The following FBXW11 variants were observed in gnomAD, a reference collection of about 807,000 sequenced individuals.
The protein encoded by FBXW11 is F-box/WD repeat-containing protein 11.
FBXW11 carries 19 observed loss-of-function variants against 77.6 expected under a neutral mutation model. The observed-to-expected ratio is 0.24, with a 90% CI of 0.17 to 0.36. The LOEUF is 0.36. Ranked by LOEUF, FBXW11 falls within the 10% of genes least tolerant of loss-of-function variation. The pLI, the probability that FBXW11 is intolerant of heterozygous loss-of-function variation, is 1.00. For synonymous variants in FBXW11, 235 were observed against 249.4 expected (o/e 0.94, Z 0.54); for missense variants, 334 against 704.2 (o/e 0.47, Z 5.95).
At chr5:171,889,151 G>A (rs1387082357) in intron 7 of FBXW11, among the ~76,000 whole-genome samples, 3 of 152,204 alleles carry the variant, frequency 2.0e-5, no homozygotes, top group African/African-American at 4.8e-5. Context: ...ACACATTCAT[G>A]AAGCTCAGAG....
chr5:172,005,575 A>AC (rs1561769395), intron 1 of FBXW11, among the ~76,000 whole-genome samples: 1 of 152,102 alleles, frequency 6.6e-6, no homozygotes, highest in East Asian at 1.9e-4. Flanking sequence ...GTGTCCACGG[A>AC]CCGGGAGTCT....
At chr5:171,995,327 A>C (rs576756188) in intron 1 of FBXW11, among the ~76,000 whole-genome samples, 2 of 152,342 alleles carry the variant, frequency 1.3e-5, no homozygotes, top group African/African-American at 4.8e-5. Flanking sequence ...GCACATCTTG[A>C]TATTTAAATG....
At chr5:171,864,964 A>C (rs1162320932) in intron 13 of FBXW11, among the ~76,000 whole-genome samples, 1 of 131,732 alleles carries the variant, frequency 7.6e-6, no homozygotes, top group Admixed American at 7.5e-5. Context: ...CTTAGGTGGC[A>C]AAAAAAAAAA....
chr5:171,930,764 A>T (rs918304225), intron 2 of FBXW11, among the ~76,000 whole-genome samples: 4 of 133,852 alleles, frequency 3.0e-5, no homozygotes, highest in African/African-American at 1.5e-4. Flanking sequence ...TAAAAAAATA[A>T]AAAAAAAAAA....
At chr5:171,894,469 C>T (rs1759601973) in intron 6 of FBXW11, among the ~76,000 whole-genome samples, 1 of 152,130 alleles carries the variant, frequency 6.6e-6, no homozygotes, top group Non-Finnish European at 1.5e-5. Context: ...TTCTTGAATC[C>T]CAAAGTGCAG....
intron 1 of FBXW11, among the ~76,000 whole-genome samples, chr5:171,967,917 C>CAT (rs1764309180): frequency 6.7e-6 from 1 of 148,496 alleles, no homozygotes; most frequent in East Asian, 1.9e-4. Flanking sequence ...CACACACACA[C>CAT]ACATATAAAT....
At position 172,001,080 on chromosome 5, in the gene FBXW11, C is replaced by T. The variant is rs547886319; in HGVS notation, c.45+5378G>A. 2.5e-4 allele frequency among the ~76,000 whole-genome samples: 38 copies of T among 152,326 alleles called. 1 individual carries two copies. The South Asian group carries it at 7.9e-3, about 32-fold the overall frequency. ...ATGTCTATGGATGTCCTATAAACAACACACCACCCACCTCTTCCCCCTCCC... is the reference window on the plus strand; with the variant it reads ...ATGTCTATGGATGTCCTATAAACAATACACCACCCACCTCTTCCCCCTCCC... On this transcript the variant is annotated intron_variant, in intron 1 of 13. Coordinates refer to ENST00000517395, the MANE Select transcript of FBXW11 (RefSeq NM_001378974.1).
At chr5:171,961,702 G>A (rs900408569) in intron 1 of FBXW11, among the ~76,000 whole-genome samples, 2 of 151,956 alleles carry the variant, frequency 1.3e-5, no homozygotes, top group South Asian at 2.1e-4. Context: ...GCTGGAGTGC[G>A]GTGGCATGAT....
Position 171,880,836 on chromosome 5 carries a change from T to C in FBXW11, c.853-2707A>G, listed in dbSNP as rs576974206. On this transcript the variant is annotated intron_variant, in intron 7 of 13. Coordinates refer to ENST00000517395, the MANE Select transcript of FBXW11 (RefSeq NM_001378974.1). The stretch of plus-strand genomic sequence containing the variant: ...CTCAGCCTCCTGAGTAGCAGGACTA[T>C]AGGCGCCCACCACCACACCCGGCTA... Among the ~76,000 whole-genome samples the C allele has an allele frequency of 3.9e-5, 6 of 152,202 alleles. No individual in the cohort carries two copies. In the South Asian group the frequency reaches 1.2e-3, roughly 32 times the overall value.
intron 6 of FBXW11, among the ~76,000 whole-genome samples, chr5:171,898,402 G>A (rs985608950): frequency 6.6e-6 from 1 of 152,140 alleles, no homozygotes; most frequent in African/African-American, 2.4e-5. Flanking sequence ...CAAGGAAAAA[G>A]GCTAAAATAG....
chr5:171,947,741 C>T (rs761016691), intron 2 of FBXW11, among the ~76,000 whole-genome samples: 6 of 151,958 alleles, frequency 3.9e-5, no homozygotes, highest in South Asian at 2.1e-4. Flanking sequence ...CATAGGGAGA[C>T]GCCATCTCTA....
chr5:171,984,126 G>A (rs560343476), intron 1 of FBXW11, among the ~76,000 whole-genome samples: 4 of 152,268 alleles, frequency 2.6e-5, no homozygotes, highest in Non-Finnish European at 4.4e-5. Context: ...CTAGCCTACA[G>A]TGAAAGAGGT....
intron 7 of FBXW11, among the ~76,000 whole-genome samples, chr5:171,880,154 C>T (rs1336639897): frequency 6.6e-6 from 1 of 152,160 alleles, no homozygotes; most frequent in Non-Finnish European, 1.5e-5. Context: ...GTAAGGGAGG[C>T]AATATGGTGT....
At chr5:171,929,452 T>A (rs766860209) in intron 2 of FBXW11, among the ~76,000 whole-genome samples, 7 of 152,198 alleles carry the variant, frequency 4.6e-5, no homozygotes, top group Non-Finnish European at 8.8e-5. Context: ...AGTTTCACTA[T>A]AGTCAATGCA....
chr5:171,929,809 A>G (rs1300502380), intron 2 of FBXW11, among the ~76,000 whole-genome samples: 3 of 152,172 alleles, frequency 2.0e-5, no homozygotes, highest in Non-Finnish European at 2.9e-5. Flanking sequence ...CCAAGATCGC[A>G]CCACTGCGCT....
At chr5:171,937,507 A>G (rs887444828) in intron 2 of FBXW11, among the ~76,000 whole-genome samples, 2 of 152,188 alleles carry the variant, frequency 1.3e-5, no homozygotes, top group Non-Finnish European at 2.9e-5. Flanking sequence ...TAAGTGAATG[A>G]GTGTGGCTGT....
At chr5:171,931,860 CCTCTCTCTCTCT>C (rs149065535) in intron 2 of FBXW11, among the ~76,000 whole-genome samples, 26 of 6,274 alleles carry the variant, frequency 4.1e-3, no homozygotes, top group African/African-American at 8.5e-3. Flanking sequence ...TCCCTCCCTC[CCTCTCTCTCTCT>C]CTCTCTCTCT....
intron 12 of FBXW11, 62 bp from the exon 13 acceptor site, chr5:171,868,858 G>T: frequency 6.8e-7 from 1 of 1,472,476 alleles, no homozygotes; most frequent in Admixed American, 2.1e-5. Flanking sequence ...ATCTCACAAT[G>T]AGAAACTGGG....
chr5:171,948,117 C>G (rs900717003), intron 2 of FBXW11, among the ~76,000 whole-genome samples: 2 of 151,412 alleles, frequency 1.3e-5, no homozygotes, highest in East Asian at 3.9e-4. Context: ...TGCCTGTAAT[C>G]CCAGCTACTA....
Sources: allele counts gnomAD v4.1 joint callset (sites outside exome capture counted in the v4.1 genomes callset), GRCh38; gene constraint gnomAD v4.1.1; transcripts MANE v1.5; gene names NCBI Gene and HGNC (gene_info 2026-07-23, HGNC 2026-07-21).